The following JAK1 variants were observed in gnomAD, a reference collection of about 807,000 sequenced individuals.
JAK1 encodes the protein Janus kinase 1.
JAK1 carries 16 observed loss-of-function variants against 136.6 expected under a neutral mutation model. The observed-to-expected ratio is 0.12, with a 90% CI of 0.08 to 0.18. JAK1 has a LOEUF of 0.18. JAK1 is among the 10% of genes least tolerant of loss of function. The pLI, the probability that JAK1 is intolerant of heterozygous loss-of-function variation, is 1.00. For missense variants in JAK1, 859 were observed against 1,450.1 expected, an observed-to-expected ratio of 0.59 and a Z score of 6.62; for synonymous variants, 492 against 519.5, an observed-to-expected ratio of 0.95 and a Z score of 0.72.
intron 2 of JAK1, chr1:64,987,363 T>G (rs1399270921): frequency 2.6e-5 from 4 of 152,188 alleles, no homozygotes; most frequent in Non-Finnish European, 4.4e-5. Context: ...GATGGAAGGA[T>G]AGATGGATAG....
intron 2 of JAK1, among the ~76,000 whole-genome samples, chr1:65,025,377 C>T (rs992790608): frequency 2.6e-5 from 4 of 152,064 alleles, no homozygotes; most frequent in African/African-American, 4.8e-5. Context: ...AAAGGGATGT[C>T]GGGGATGTCA....
chr1:65,032,994 G>A (rs550298217), intron 2 of JAK1, among the ~76,000 whole-genome samples: 7 of 152,172 alleles, frequency 4.6e-5, no homozygotes, highest in African/African-American at 9.7e-5. Flanking sequence ...AGCTATTAGC[G>A]AGACTTCCAG....
chr1:65,022,508 G>A (rs953388126), intron 2 of JAK1, among the ~76,000 whole-genome samples: 4 of 152,102 alleles, frequency 2.6e-5, no homozygotes, highest in African/African-American at 7.2e-5. Flanking sequence ...TGATCAGTAG[G>A]TAGTAAGTGA....
chr1:65,011,149 T>C (rs558034741), intron 2 of JAK1, among the ~76,000 whole-genome samples: 1 of 152,200 alleles, frequency 6.6e-6, no homozygotes, highest in Non-Finnish European at 1.5e-5. Context: ...GGATTAGAAC[T>C]GTCAAAGCAA....
intron 1 of JAK1, among the ~76,000 whole-genome samples, chr1:65,055,576 T>C (rs1056535034): frequency 5.3e-5 from 8 of 152,206 alleles, no homozygotes; most frequent in Non-Finnish European, 8.8e-5. Context: ...CCATCTCACA[T>C]ACTTCACCTA....
intron 8 of JAK1, among the ~76,000 whole-genome samples, chr1:64,860,982 T>TGTGTGTGTGTG (rs1656295869): frequency 1.2e-5 from 1 of 83,434 alleles, no homozygotes; most frequent in African/African-American, 5.5e-5. Flanking sequence ...GTGTGTGTGT[T>TGTGTGTGTGTG]GGGGGTGACG....
At chr1:64,914,370 G>T (rs1223982765) in intron 1 of JAK1, among the ~76,000 whole-genome samples, 1 of 152,146 alleles carries the variant, frequency 6.6e-6, no homozygotes, top group Non-Finnish European at 1.5e-5. Context: ...TTAAACAATG[G>T]AATGCTTCTG....
intron 2 of JAK1, among the ~76,000 whole-genome samples, chr1:65,008,110 A>G (rs1646818626): frequency 6.6e-6 from 1 of 152,180 alleles, no homozygotes; most frequent in Non-Finnish European, 1.5e-5. Flanking sequence ...GAGTTTGGTG[A>G]CAACCCCTGA....
intron 1 of JAK1, among the ~76,000 whole-genome samples, chr1:65,067,371 C>T (rs1444239470): frequency 6.7e-6 from 1 of 149,386 alleles, no homozygotes; most frequent in African/African-American, 2.4e-5. Flanking sequence ...GCCGGAGCCG[C>T]TCTGTGCGCC....
chr1:64,927,154 C>T (rs150142403), intron 1 of JAK1, among the ~76,000 whole-genome samples: 1 of 152,298 alleles, frequency 6.6e-6, no homozygotes, highest in East Asian at 1.9e-4. Context: ...CTCTGATGGG[C>T]GTACCCTGAC....
intron 1 of JAK1, among the ~76,000 whole-genome samples, chr1:64,934,356 G>T (rs1645750401): frequency 6.6e-6 from 1 of 152,160 alleles, no homozygotes; most frequent in African/African-American, 2.4e-5. Flanking sequence ...TCTGAGAAGG[G>T]GAGACTGAAG....
rs1644729696 is a variant in JAK1 at position 64,879,125 on chromosome 1, G to A, written c.229C>T (p.Leu77Phe). Residue 77 changes from leucine to phenylalanine, a missense_variant, in exon 4 of 25, where the codon CTC becomes TTC. By Grantham distance (22) the Leu-to-Phe change is conservative (BLOSUM62 0). Coordinates refer to ENST00000342505, the MANE Select transcript of JAK1 (RefSeq NM_002227.4). ...ACRISPLCHN[L>F]FALYDENTKL... ...GTGTTCTCGTCATACAGGGCAAAGAGGTTGTGACAAAGAGGAGAGATACCT... is the reference window on the plus strand; with the variant it reads ...GTGTTCTCGTCATACAGGGCAAAGAAGTTGTGACAAAGAGGAGAGATACCT... 1 of 1,613,924 alleles carries A rather than the reference G, an allele frequency of 6.2e-7. No individual in the cohort carries two copies. The highest frequency in any genetic ancestry group is 8.5e-7 in the Non-Finnish European group (1 of 1,179,888).
chr1:64,869,787 G>A (rs755328988), intron 5 of JAK1, among the ~76,000 whole-genome samples: 42 of 152,306 alleles, frequency 2.8e-4, no homozygotes, highest in Non-Finnish European at 4.9e-4. Flanking sequence ...CCTGGACTGC[G>A]CCAGAGCAAG....
intron 2 of JAK1, among the ~76,000 whole-genome samples, chr1:65,020,772 T>C (rs2100791753): frequency 6.6e-6 from 1 of 152,298 alleles, no homozygotes; most frequent in African/African-American, 2.4e-5. Context: ...TTTGGTAATT[T>C]GAGAAGAGTT....
intron 1 of JAK1, among the ~76,000 whole-genome samples, chr1:65,056,913 ACT>A (rs1467256715): frequency 2.4e-5 from 3 of 125,158 alleles, no homozygotes; most frequent in East Asian, 2.3e-4. Context: ...GCAGACTGAG[ACT>A]CTTTCTTTAA....
intron 2 of JAK1, among the ~76,000 whole-genome samples, chr1:65,041,207 C>T (rs141315122): frequency 3.6e-4 from 55 of 152,064 alleles, no homozygotes; most frequent in South Asian, 2.1e-4. Flanking sequence ...ATTACCGTGG[C>T]GAGGAGACCG....
chr1:64,928,636 G>C (rs1033918370), intron 1 of JAK1, among the ~76,000 whole-genome samples: 1 of 151,732 alleles, frequency 6.6e-6, no homozygotes, highest in South Asian at 2.1e-4. Context: ...GTAACTTCTG[G>C]AATTACATTT....
chr1:65,014,684 A>G (rs1373673716), intron 2 of JAK1, among the ~76,000 whole-genome samples: 3 of 150,970 alleles, frequency 2.0e-5, no homozygotes, highest in African/African-American at 7.3e-5. Flanking sequence ...CTATTATTCT[A>G]TTCTTTTTTT....
At chr1:64,939,919 T>C (rs909713105) in intron 1 of JAK1, among the ~76,000 whole-genome samples, 1 of 152,224 alleles carries the variant, frequency 6.6e-6, no homozygotes, top group Admixed American at 6.5e-5. Context: ...TGTGTTGTAA[T>C]AGTGCTAAGT....
Sources: allele counts gnomAD v4.1 joint callset (sites outside exome capture counted in the v4.1 genomes callset), GRCh38; gene constraint gnomAD v4.1.1; transcripts MANE v1.5; gene names NCBI Gene and HGNC (gene_info 2026-07-23, HGNC 2026-07-21).